NAALADL2: variants seen among roughly 807,000 people sequenced by gnomAD.
The protein encoded by NAALADL2 is inactive N-acetylated-alpha-linked acidic dipeptidase-like protein 2.
NAALADL2 carries 76 observed loss-of-function variants against 87.2 expected under a neutral mutation model. The observed-to-expected ratio is 0.87, with a 90% CI of 0.72 to 1.05. NAALADL2 has a LOEUF of 1.05. Among genes scored for constraint, NAALADL2 ranks in the 50% least tolerant of loss-of-function variants. NAALADL2 has a pLI of 0.00. For missense variants in NAALADL2, 1,089 were observed against 945.8 expected (o/e 1.15, Z -1.99); for synonymous variants, 354 against 331.0 (o/e 1.07, Z -0.75).
chr3:175,575,446 G>C (rs4508793), intron 9 of NAALADL2, among the ~76,000 whole-genome samples: 96,150 of 151,676 alleles, frequency 0.63, 33,307 homozygotes, highest in East Asian at 0.85. Flanking sequence ...CACCACACCC[G>C]GCTAATTTTT....
intron 11 of NAALADL2, among the ~76,000 whole-genome samples, chr3:175,711,698 GTAT>G (rs978603072): frequency 1.3e-5 from 2 of 151,624 alleles, no homozygotes; most frequent in African/African-American, 4.8e-5. Context: ...AAACTGTGTA[GTAT>G]TTGAATGAGA....
intron 1 of NAALADL2, among the ~76,000 whole-genome samples, chr3:174,546,896 G>A (rs943312572): frequency 2.0e-5 from 3 of 152,052 alleles, no homozygotes; most frequent in Non-Finnish European, 2.9e-5. Context: ...TAAATCTCTT[G>A]AATATTGTAT....
At chr3:175,620,558 C>T (rs1228621130) in intron 10 of NAALADL2, among the ~76,000 whole-genome samples, 3 of 152,156 alleles carry the variant, frequency 2.0e-5, no homozygotes, top group African/African-American at 7.2e-5. Context: ...TTATTCCTGC[C>T]ACTCACAGAT....
intron 3 of NAALADL2, among the ~76,000 whole-genome samples, chr3:174,838,021 G>GAAAAAAAAAAAAAAAAAAAAAAAAAAA (rs77681462): frequency 2.8e-5 from 2 of 71,944 alleles, no homozygotes; most frequent in Non-Finnish European, 5.7e-5. Context: ...AACCAAAAAA[G>GAAAAAAAAAAAAAAAAAAAAAAAAAAA]AAAAAAAAAA....
At chr3:174,985,303 T>G (rs1327956226) in intron 1 of NAALADL2, among the ~76,000 whole-genome samples, 1 of 152,160 alleles carries the variant, frequency 6.6e-6, no homozygotes, top group Non-Finnish European at 1.5e-5. Context: ...ATGTAACGAT[T>G]TTAGAAGTGA....
intron 1 of NAALADL2, among the ~76,000 whole-genome samples, chr3:175,023,139 A>G (rs540437950): frequency 3.3e-5 from 5 of 152,212 alleles, no homozygotes; most frequent in Non-Finnish European, 7.4e-5. Flanking sequence ...AATAAATAAC[A>G]AAAGACCACT....
intron 3 of NAALADL2, among the ~76,000 whole-genome samples, chr3:174,748,342 T>A (rs80177567): frequency 0.14 from 20,377 of 149,480 alleles, 1,671 homozygotes; most frequent in African/African-American, 0.22. Flanking sequence ...TTTTTTTTTT[T>A]AAAAAGAGGC....
intron 5 of NAALADL2, among the ~76,000 whole-genome samples, chr3:175,434,942 C>T (rs1003626917): frequency 1.3e-5 from 2 of 151,860 alleles, no homozygotes; most frequent in Admixed American, 1.3e-4. Context: ...TGGTTGTTTC[C>T]AAATGTTCAT....
chr3:174,612,764 T>C (rs1720054010), intron 2 of NAALADL2, among the ~76,000 whole-genome samples: 1 of 152,216 alleles, frequency 6.6e-6, no homozygotes, highest in Non-Finnish European at 1.5e-5. Context: ...GAAAGGTCAC[T>C]TACCTCTGTT....
intron 1 of NAALADL2, among the ~76,000 whole-genome samples, chr3:175,004,376 C>CAAAAAAAAAAAAAAAAAAAAAA (rs538715061): frequency 3.0e-5 from 1 of 33,838 alleles, no homozygotes. Context: ...GAGACTATTT[C>CAAAAAAAAAAAAAAAAAAAAAA]AAAAAAAAAA....
intron 11 of NAALADL2, among the ~76,000 whole-genome samples, chr3:175,689,647 T>G (rs1736782834): frequency 6.6e-6 from 1 of 152,188 alleles, no homozygotes; most frequent in Non-Finnish European, 1.5e-5. Context: ...TCTTACGTAA[T>G]GTAATTTACA....
At chr3:175,522,698 T>C (rs1309661633) in intron 9 of NAALADL2, among the ~76,000 whole-genome samples, 2 of 152,242 alleles carry the variant, frequency 1.3e-5, no homozygotes, top group African/African-American at 4.8e-5. Context: ...TGATATTGTC[T>C]TCTCAGTACA....
intron 5 of NAALADL2, among the ~76,000 whole-genome samples, chr3:175,344,708 T>C (rs951271491): frequency 5.3e-5 from 8 of 152,138 alleles, no homozygotes; most frequent in African/African-American, 1.9e-4. Context: ...TTATGGATGG[T>C]ACATTATTAA....
chr3:174,594,393 G>A (rs372788059), intron 2 of NAALADL2, among the ~76,000 whole-genome samples: 124 of 152,204 alleles, frequency 8.1e-4, no homozygotes, highest in African/African-American at 1.2e-3. Flanking sequence ...TTATGACATC[G>A]TTGGGAAGAT....
intron 11 of NAALADL2, chr3:175,675,996 T>C (rs1734718280): frequency 6.6e-6 from 1 of 152,182 alleles, no homozygotes; most frequent in Non-Finnish European, 1.5e-5. Context: ...ATATTTTAGC[T>C]AAGTTACACT....
chr3:175,441,191 GA>G (rs906423686), intron 5 of NAALADL2, among the ~76,000 whole-genome samples: 24 of 150,680 alleles, frequency 1.6e-4, no homozygotes, highest in Admixed American at 6.6e-4. Flanking sequence ...AGTATTTGGG[GA>G]AAAAAAAATC....
At chr3:175,172,596 T>C (rs1735008018) in intron 2 of NAALADL2, among the ~76,000 whole-genome samples, 1 of 152,168 alleles carries the variant, frequency 6.6e-6, no homozygotes, top group African/African-American at 2.4e-5. Context: ...GAATTGAAAT[T>C]ATCCTCACTC....
At position 174,581,649 on chromosome 3, in the gene NAALADL2, T is replaced by C. The variant is rs913675864; in HGVS notation, c.-115+31012T>C. 8.5e-5 allele frequency among the ~76,000 whole-genome samples: 13 copies of C among 152,204 alleles called. No individual in the cohort carries two copies. In the South Asian group the frequency reaches 2.5e-3, roughly 29 times the overall value. Reference sequence around the variant, plus strand: ...TTCTGAGCAGTGATGTGTTGCAATTTGAACTATCTACCGCATTTTTAGAGA... The same window carrying C: ...TTCTGAGCAGTGATGTGTTGCAATTCGAACTATCTACCGCATTTTTAGAGA... On this transcript the variant is annotated intron_variant, in intron 2 of 3. Coordinates refer to the NAALADL2 transcript ENST00000434257.
At chr3:175,201,456 CTA>C (rs1189982647) in intron 2 of NAALADL2, among the ~76,000 whole-genome samples, 1 of 152,014 alleles carries the variant, frequency 6.6e-6, no homozygotes, top group East Asian at 1.9e-4. Flanking sequence ...ATTTTTTATT[CTA>C]TGAGTATAAT....
Sources: gnomAD v4.1 joint callset for allele counts (sites outside exome capture counted in the v4.1 genomes callset) on GRCh38, gnomAD v4.1.1 for gene constraint, MANE v1.5 for transcripts, NCBI Gene and HGNC (gene_info 2026-07-23, HGNC 2026-07-21) for gene names.